The following TESMIN variants were observed in gnomAD, a reference collection of about 807,000 sequenced individuals.
TESMIN encodes the protein testis expressed metallothionein like protein, also known as CXC domain containing 2.
Under a neutral mutation model 47.4 loss-of-function variants are expected in TESMIN, and 34 were observed. The ratio of observed to expected loss-of-function variants is 0.72; its 90% CI spans 0.55 to 0.96. The LOEUF (loss-of-function observed/expected upper bound fraction) is 0.96. Ranked by LOEUF, TESMIN falls within the 40% of genes least tolerant of loss-of-function variation. The pLI, the probability that TESMIN is intolerant of heterozygous loss-of-function variation, is 0.00. For missense variants in TESMIN, 610 were observed against 637.2 expected (o/e 0.96, Z 0.46); for synonymous variants, 278 against 258.9 (o/e 1.07, Z -0.71).
chr11:68,737,447 C>T (rs1400732070), intron 6 of TESMIN: 21 of 985,610 alleles, frequency 2.1e-5, no homozygotes, highest in East Asian at 1.1e-4. Context: ...CACGGCCTTT[C>T]ATTCCAGCCC....
At chr11:68,726,013 G>A (rs1321348174) in intron 6 of TESMIN, among the ~76,000 whole-genome samples, 2 of 152,162 alleles carry the variant, frequency 1.3e-5, no homozygotes, top group Non-Finnish European at 2.9e-5. Context: ...GGTTTTAACT[G>A]CTGCGTGGAG....
chr11:68,735,128 G>C (rs866683049), intron 6 of TESMIN, among the ~76,000 whole-genome samples: 5 of 152,222 alleles, frequency 3.3e-5, no homozygotes, highest in Admixed American at 1.3e-4. Flanking sequence ...TTTTCCTTTA[G>C]AGACAGAACA....
At position 68,750,641 on chromosome 11, in the gene TESMIN, G is replaced by A. The variant is rs778270489; in HGVS notation, c.20C>T (p.Pro7Leu). 2 of 1,564,408 alleles carry A rather than the reference G, an allele frequency of 1.3e-6. No homozygotes were observed. Among genetic ancestry groups the A allele is most frequent in the East Asian group, 2.4e-5 (1 of 42,040 alleles). The change falls in exon 2 of 10, where the codon CCG (proline) becomes CTG (leucine). Residue 7 changes from proline (P) to leucine (L), a missense_variant. Pro to Leu is a moderately conservative substitution (Grantham distance 98, BLOSUM62 -3). Transcript: ENST00000255087. ...ATCCTCGGGGCTGGGCAGCCCGCCC[G>A]GCAGAGGGCCCTCCTCCATGGCGCA... MEEGPL[P>L]GGLPSPEDAM...
At chr11:68,747,488 T>C (rs1946536999) in intron 2 of TESMIN, 122 bp from the exon 3 acceptor site, 1 of 859,900 alleles carries the variant, frequency 1.2e-6, no homozygotes, top group Non-Finnish European at 1.8e-6. Context: ...CTGTCTCTAC[T>C]AGGCATGGTG....
chr11:68,708,306 C>T lies in TESMIN; in HGVS notation c.*2G>A. The T allele has an allele frequency of 6.3e-7, 1 of 1,593,682 alleles. No homozygotes were observed. Among genetic ancestry groups the T allele is most frequent in the Non-Finnish European group, 8.5e-7 (1 of 1,170,442 alleles). On this transcript the variant is annotated 3_prime_UTR_variant, in exon 10 of 10. Transcript: ENST00000255087. ...AATCAACATGCATTCACACTTTATA[C>T]TCTACTCCATTTTCAATCCCTTAGA...
At chr11:68,722,586 T>A (rs1946215377) in intron 6 of TESMIN, among the ~76,000 whole-genome samples, 1 of 151,680 alleles carries the variant, frequency 6.6e-6, no homozygotes, top group South Asian at 2.1e-4. Context: ...AGAATGCAAA[T>A]AGATTAAAGA....
chr11:68,705,791 G>A (rs1215937913), downstream of TESMIN, among the ~76,000 whole-genome samples: 1 of 151,950 alleles, frequency 6.6e-6, no homozygotes. Flanking sequence ...GGGAGGCCCA[G>A]GGGGGCGGAT....
At chr11:68,745,227 G>T in intron 3 of TESMIN, 116 bp from the exon 4 acceptor site, 3 of 902,704 alleles carry the variant, frequency 3.3e-6, no homozygotes, top group Non-Finnish European at 4.7e-6. Context: ...CATTTTAATG[G>T]AAGATAGAAA....
chr11:68,715,021 A>G (rs4531478), intron 7 of TESMIN, among the ~76,000 whole-genome samples: 77,929 of 152,160 alleles, frequency 0.51, 21,291 homozygotes, highest in East Asian at 0.76. Flanking sequence ...AAAATTGGTT[A>G]GATATTTCAA....
intron 2 of TESMIN, 66 bp from the exon 3 acceptor site, chr11:68,747,432 T>A: frequency 7.0e-7 from 1 of 1,423,088 alleles, no homozygotes; most frequent in African/African-American, 1.4e-5. Context: ...GTTGCATAAT[T>A]TAGAAAATTG....
intron 6 of TESMIN, among the ~76,000 whole-genome samples, chr11:68,728,555 A>C (rs572717643): frequency 6.6e-6 from 1 of 152,378 alleles, no homozygotes; most frequent in South Asian, 2.1e-4. Flanking sequence ...AAAGGTGGCT[A>C]CACTGAACAA....
At chr11:68,742,916 G>A (rs1022609597) in intron 4 of TESMIN, among the ~76,000 whole-genome samples, 1 of 147,838 alleles carries the variant, frequency 6.8e-6, no homozygotes, top group Non-Finnish European at 1.5e-5. Context: ...TTGCTCTGTT[G>A]CCCAGGCTGG....
chr11:68,724,586 ATGCC>A (rs1312057833), intron 6 of TESMIN, among the ~76,000 whole-genome samples: 90 of 152,314 alleles, frequency 5.9e-4, no homozygotes, highest in Non-Finnish European at 8.8e-4. Context: ...GATTATGACA[ATGCC>A]GGTCTTGCCA....
intron 5 of TESMIN, among the ~76,000 whole-genome samples, chr11:68,741,973 A>G (rs1946462764): frequency 1.3e-5 from 2 of 152,254 alleles, no homozygotes; most frequent in Admixed American, 6.5e-5. Context: ...AAGTATTTCC[A>G]TAACACTGAG....
downstream of TESMIN, among the ~76,000 whole-genome samples, chr11:68,705,035 G>A (rs906108428): frequency 6.6e-6 from 1 of 152,204 alleles, no homozygotes; most frequent in African/African-American, 2.4e-5. Flanking sequence ...AGGCAGGGCT[G>A]GGGGAAGATG....
intron 6 of TESMIN, chr11:68,737,925 CAAACA>C: frequency 3.4e-5 from 5 of 145,728 alleles, no homozygotes; most frequent in Non-Finnish European, 3.4e-5. Flanking sequence ...AAAAACAAAA[CAAACA>C]AACAAACAAA....
At chr11:68,742,880 T>C (rs1041608701) in intron 4 of TESMIN, among the ~76,000 whole-genome samples, 1 of 151,996 alleles carries the variant, frequency 6.6e-6, no homozygotes, top group African/African-American at 2.4e-5. Flanking sequence ...TTTTTTTTTT[T>C]CTTTTTGCTT....
At chr11:68,739,697 T>C (rs113326399) in intron 5 of TESMIN, among the ~76,000 whole-genome samples, 3 of 152,286 alleles carry the variant, frequency 2.0e-5, no homozygotes, top group African/African-American at 7.2e-5. Context: ...TCCCACTGCC[T>C]CATTTACAAT....
Position 68,750,408 on chromosome 11 carries a change from C to T in TESMIN, c.253G>A (p.Gly85Arg), listed in dbSNP as rs753640332. The T allele has an allele frequency of 2.0e-6, 3 of 1,525,134 alleles. No individual in the cohort carries two copies. The highest frequency in any genetic ancestry group is 2.7e-6 in the Non-Finnish European group (3 of 1,131,992). 94.5% of individuals were successfully genotyped at this position (1,525,134 alleles called of 1,614,324 possible). A position where few individuals can be genotyped will look rare whatever the true frequency, so the allele number is the denominator to read the frequency against. The change falls in exon 2 of 10, where the codon GGG becomes AGG. Residue 85 changes from glycine to arginine, a missense_variant. Physicochemically the swap from Gly to Arg is moderately radical, Grantham distance 125 (BLOSUM62 -2). Transcript: ENST00000255087. ...CKGQVKAKLA[G>R]GDSDGGELLG... ...AGCTCCCCGCCGTCGCTGTCGCCCCCCGCGAGCTTCGCCTTGACCTGGCCC... is the reference window on the plus strand; with the variant it reads ...AGCTCCCCGCCGTCGCTGTCGCCCCTCGCGAGCTTCGCCTTGACCTGGCCC...
Sources: gnomAD v4.1 joint callset for allele counts (sites outside exome capture counted in the v4.1 genomes callset) on GRCh38, gnomAD v4.1.1 for gene constraint, MANE v1.5 for transcripts, NCBI Gene and HGNC (gene_info 2026-07-23, HGNC 2026-07-21) for gene names.